CPA6: variants seen among roughly 807,000 people sequenced by gnomAD.
The protein encoded by CPA6 is carboxypeptidase B.
In CPA6, 58 loss-of-function variants were observed where a neutral mutation model predicts 63.3. The observed-to-expected ratio is 0.92, with a 90% CI of 0.74 to 1.14. The LOEUF is 1.14. CPA6 is among the 50% of genes most tolerant of loss of function. The pLI, the probability that CPA6 is intolerant of heterozygous loss-of-function variation, is 0.00. For missense variants in CPA6, 565 were observed against 526.6 expected, an observed-to-expected ratio of 1.07 and a Z score of -0.71; for synonymous variants, 185 against 179.0, an observed-to-expected ratio of 1.03 and a Z score of -0.27.
intron 2 of CPA6, among the ~76,000 whole-genome samples, chr8:67,608,996 G>A (rs924980486): frequency 6.6e-6 from 1 of 152,226 alleles, no homozygotes; most frequent in Non-Finnish European, 1.5e-5. Flanking sequence ...ATTTGAAGAA[G>A]CTCTGAAAGC....
chr8:67,489,515 TA>T (rs1010980825), intron 6 of CPA6, among the ~76,000 whole-genome samples: 21 of 145,796 alleles, frequency 1.4e-4, no homozygotes, highest in Admixed American at 4.1e-4. Flanking sequence ...CATTTTTTTT[TA>T]AAATAAATGA....
At chr8:67,425,659 C>A (rs1435888759) in intron 10 of CPA6, among the ~76,000 whole-genome samples, 1 of 152,222 alleles carries the variant, frequency 6.6e-6, no homozygotes, top group Non-Finnish European at 1.5e-5. Context: ...TAGGCGTGAG[C>A]CACTGTGCCA....
intron 6 of CPA6, among the ~76,000 whole-genome samples, chr8:67,498,150 A>G (rs1811760314): frequency 6.6e-6 from 1 of 152,080 alleles, no homozygotes; most frequent in South Asian, 2.1e-4. Flanking sequence ...CTGTATGTGT[A>G]TCTCTGCTTA....
chr8:67,713,095 G>GTATA (rs755642095), intron 1 of CPA6, among the ~76,000 whole-genome samples: 1,758 of 85,660 alleles, frequency 0.021, 57 homozygotes, highest in Non-Finnish European at 0.028. Context: ...GTGTGTGTGT[G>GTATA]TGTGTATATA....
intron 8 of CPA6, among the ~76,000 whole-genome samples, chr8:67,435,391 C>T (rs1174393299): frequency 6.6e-6 from 1 of 152,086 alleles, no homozygotes; most frequent in Non-Finnish European, 1.5e-5. Flanking sequence ...CGCAGGGGCA[C>T]AAGCTGAGCT....
intron 2 of CPA6, among the ~76,000 whole-genome samples, chr8:67,616,767 C>T (rs550006068): frequency 1.3e-5 from 2 of 152,186 alleles, no homozygotes; most frequent in South Asian, 4.1e-4. Flanking sequence ...AGTTTGTTCT[C>T]TCTCACTCTT....
intron 2 of CPA6, among the ~76,000 whole-genome samples, chr8:67,564,721 C>G (rs1368697226): frequency 1.3e-5 from 2 of 152,128 alleles, no homozygotes; most frequent in Non-Finnish European, 2.9e-5. Context: ...TAATTCAGCT[C>G]TTTTCATACA....
intron 1 of CPA6, among the ~76,000 whole-genome samples, chr8:67,678,959 A>G (rs910708843): frequency 5.3e-5 from 8 of 152,248 alleles, no homozygotes; most frequent in African/African-American, 1.9e-4. Context: ...GAAAAAACTC[A>G]GACAGAAAGA....
intron 1 of CPA6, among the ~76,000 whole-genome samples, chr8:67,722,239 C>T (rs921049992): frequency 6.6e-5 from 10 of 152,152 alleles, no homozygotes; most frequent in Admixed American, 3.9e-4. Flanking sequence ...GGCAGCTTGA[C>T]TTCATTTACT....
chr8:67,428,388 C>T (rs1477495399), intron 9 of CPA6, among the ~76,000 whole-genome samples: 1 of 152,100 alleles, frequency 6.6e-6, no homozygotes, highest in Non-Finnish European at 1.5e-5. Flanking sequence ...GAAGGCTCAG[C>T]AAGGTTAAAT....
At chr8:67,577,857 C>T in intron 2 of CPA6, among the ~76,000 whole-genome samples, 1 of 152,114 alleles carries the variant, frequency 6.6e-6, no homozygotes, top group Non-Finnish European at 1.5e-5. Flanking sequence ...TAAGTAATTT[C>T]GAGTCATGTG....
At chr8:67,583,162 G>T (rs1469372818) in intron 2 of CPA6, among the ~76,000 whole-genome samples, 1 of 151,754 alleles carries the variant, frequency 6.6e-6, no homozygotes. Flanking sequence ...AGGGTGAGGG[G>T]GCTGGGTAGT....
intron 1 of CPA6, among the ~76,000 whole-genome samples, chr8:67,713,276 G>A (rs371207237): frequency 6.6e-6 from 1 of 150,870 alleles, no homozygotes; most frequent in Admixed American, 6.6e-5. Flanking sequence ...GACCACAGTC[G>A]ATCTCAGGTA....
chr8:67,666,135 G>C (rs1206990723), intron 1 of CPA6, among the ~76,000 whole-genome samples: 2 of 152,224 alleles, frequency 1.3e-5, no homozygotes, highest in African/African-American at 2.4e-5. Flanking sequence ...GAACTGAGCA[G>C]AGACATGACC....
intron 2 of CPA6, among the ~76,000 whole-genome samples, chr8:67,559,253 G>T (rs1361707272): frequency 1.3e-5 from 2 of 152,128 alleles, no homozygotes; most frequent in Admixed American, 6.6e-5. Context: ...CATAAGATCA[G>T]TATCAAATTT....
chr8:67,637,760 T>G lies in CPA6; in HGVS notation c.117-13509A>C, dbSNP rs116539478. 5.7e-3 allele frequency among the ~76,000 whole-genome samples: 860 copies of G among 151,532 alleles called. 48 individuals are homozygous for G. The highest frequency in any genetic ancestry group is 0.02 in the African/African-American group (808 of 40,866). On this transcript the variant is annotated intron_variant, in intron 1 of 10. Coordinates refer to ENST00000297770, the MANE Select transcript of CPA6 (RefSeq NM_020361.5). ...AAAATATGTAGTAAAAAGGTTTAGC[T>G]GCAGTGATCAGAGAAAAACACATGA...
intron 6 of CPA6, among the ~76,000 whole-genome samples, chr8:67,497,345 A>G (rs1015887146): frequency 1.3e-5 from 2 of 152,164 alleles, no homozygotes; most frequent in African/African-American, 2.4e-5. Context: ...ATATAAACGG[A>G]GTGATACAAT....
intron 6 of CPA6, among the ~76,000 whole-genome samples, chr8:67,491,340 G>C (rs1425506774): frequency 1.3e-5 from 2 of 149,888 alleles, no homozygotes; most frequent in African/African-American, 4.9e-5. Flanking sequence ...AAAGTAACGA[G>C]AAGAAAAGGC....
intron 2 of CPA6, among the ~76,000 whole-genome samples, chr8:67,602,512 A>T (rs1189426662): frequency 1.3e-5 from 2 of 152,220 alleles, no homozygotes; most frequent in Non-Finnish European, 2.9e-5. Context: ...TGGCAGAGTA[A>T]CTGATGTGCT....
Sources: gnomAD v4.1 joint callset for allele counts (sites outside exome capture counted in the v4.1 genomes callset) on GRCh38, gnomAD v4.1.1 for gene constraint, MANE v1.5 for transcripts, NCBI Gene and HGNC (gene_info 2026-07-23, HGNC 2026-07-21) for gene names.